C12orf54: variants seen among roughly 807,000 people sequenced by gnomAD.
C12orf54 encodes the protein chromosome 12 open reading frame 54.
A neutral mutation model predicts 26.4 loss-of-function variants in C12orf54; 24 were observed. That is an observed-to-expected ratio of 0.91 (90% CI 0.66 to 1.28). The LOEUF (loss-of-function observed/expected upper bound fraction) is 1.28. Ranked by LOEUF, C12orf54 falls within the 50% of genes most tolerant of loss-of-function variation. C12orf54 has a pLI of 0.00. For missense variants in C12orf54, 154 were observed against 150.9 expected, an observed-to-expected ratio of 1.02 and a Z score of -0.11; for synonymous variants, 54 against 47.0, an observed-to-expected ratio of 1.15 and a Z score of -0.61.
chr12:48,464,030 C>T, the C12orf54 span, among the ~76,000 whole-genome samples: 3 of 151,692 alleles, frequency 2.0e-5, no homozygotes, highest in South Asian at 6.2e-4. Flanking sequence ...CACAAGGATA[C>T]CCTCTCTCAC....
the C12orf54 span, among the ~76,000 whole-genome samples, chr12:48,441,608 T>C: frequency 6.6e-6 from 1 of 152,174 alleles, no homozygotes; most frequent in East Asian, 1.9e-4. Flanking sequence ...GGGGATTCCA[T>C]GATTAACAGT....
At chr12:48,448,649 A>C in the C12orf54 span, among the ~76,000 whole-genome samples, 1 of 152,214 alleles carries the variant, frequency 6.6e-6, no homozygotes, top group Non-Finnish European at 1.5e-5. Flanking sequence ...TACATTTTAA[A>C]TTATTTTATT....
At chr12:48,486,761 A>G (rs1937652071) in intron 4 of C12orf54, 35 bp downstream of exon 4, 1 of 1,595,826 alleles carries the variant, frequency 6.3e-7, no homozygotes, top group Non-Finnish European at 8.6e-7. Flanking sequence ...ACAGCATGGC[A>G]TGAGGTGGGA....
At chr12:48,433,092 A>G in the C12orf54 span, among the ~76,000 whole-genome samples, 2 of 152,168 alleles carry the variant, frequency 1.3e-5, no homozygotes, top group Non-Finnish European at 2.9e-5. Context: ...TCACAATAGG[A>G]ACAAAAAATA....
At chr12:48,478,931 G>T (rs1954171813), upstream of C12orf54, among the ~76,000 whole-genome samples, 3 of 152,338 alleles carry the variant, frequency 2.0e-5, no homozygotes, top group South Asian at 6.2e-4. Flanking sequence ...CTGTGAACTA[G>T]TTCAACCCTT....
chr12:48,491,457 T>A (rs1427066084), intron 6 of C12orf54, among the ~76,000 whole-genome samples: 4 of 152,196 alleles, frequency 2.6e-5, no homozygotes, highest in African/African-American at 9.6e-5. Context: ...GGAGGTGACA[T>A]AGGCATTCAG....
At chr12:48,480,886 TA>T (rs1265458685), upstream of C12orf54, among the ~76,000 whole-genome samples, 1 of 152,136 alleles carries the variant, frequency 6.6e-6, no homozygotes, top group African/African-American at 2.4e-5. Flanking sequence ...AATGCAGCCA[TA>T]AAAAATAATG....
the C12orf54 span, among the ~76,000 whole-genome samples, chr12:48,455,679 A>G: frequency 1.1e-3 from 162 of 152,364 alleles, no homozygotes; most frequent in African/African-American, 3.5e-3. Flanking sequence ...CAGCTCCAAC[A>G]TGATTGTACA....
chr12:48,450,895 G>A, the C12orf54 span, among the ~76,000 whole-genome samples: 2 of 152,034 alleles, frequency 1.3e-5, no homozygotes, highest in Admixed American at 6.5e-5. Context: ...TTCTACCAGA[G>A]GTACAAAGAA....
chr12:48,463,777 T>C, the C12orf54 span, among the ~76,000 whole-genome samples: 2 of 152,070 alleles, frequency 1.3e-5, no homozygotes, highest in South Asian at 2.1e-4. Context: ...TGGTTCAACA[T>C]ATACAATTCA....
At chr12:48,419,812 C>A in the C12orf54 span, among the ~76,000 whole-genome samples, 2 of 152,104 alleles carry the variant, frequency 1.3e-5, no homozygotes, top group Non-Finnish European at 2.9e-5. Flanking sequence ...CCCCAGTAAA[C>A]CTTCACACAG....
chr12:48,494,777 A>G lies in C12orf54; in HGVS notation c.243-21A>G, dbSNP rs188302550. On this transcript the variant is annotated intron_variant, in intron 7 of 8. Transcript: ENST00000548364. ...AAGATCTCTTTCCCTCATGTCTACA[A>G]CTTTCTCTATTTTGGCACAGAAGCA... The G allele has an allele frequency of 2.6e-4, 426 of 1,611,340 alleles. 1 individual carries two copies. The African/African-American group carries it at 5.0e-3, about 19-fold the overall frequency.
chr12:48,423,504 T>A, the C12orf54 span, among the ~76,000 whole-genome samples: 1 of 151,962 alleles, frequency 6.6e-6, no homozygotes, highest in Non-Finnish European at 1.5e-5. Context: ...ATGCAAAAAT[T>A]CAGTAGTGGT....
chr12:48,453,809 A>T, the C12orf54 span, among the ~76,000 whole-genome samples: 8 of 151,660 alleles, frequency 5.3e-5, no homozygotes, highest in Admixed American at 5.3e-4. Flanking sequence ...ATCTATATTC[A>T]TCTATCTACC....
upstream of C12orf54, among the ~76,000 whole-genome samples, chr12:48,479,052 T>C (rs1023727873): frequency 5.3e-5 from 8 of 152,296 alleles, no homozygotes; most frequent in Non-Finnish European, 7.3e-5. Context: ...GCTATAAAGA[T>C]ACATGCACAC....
intron 4 of C12orf54, chr12:48,487,830 G>A (rs1592201158): frequency 2.0e-6 from 1 of 488,424 alleles, no homozygotes; most frequent in Non-Finnish European, 3.7e-6. Context: ...TCCCAAGGGA[G>A]ACAACCCACA....
chr12:48,477,795 C>A (rs555294369), upstream of C12orf54, among the ~76,000 whole-genome samples: 17 of 152,288 alleles, frequency 1.1e-4, no homozygotes, highest in African/African-American at 3.9e-4. Flanking sequence ...CAGATGGATT[C>A]ACAGCCGAAT....
chr12:48,471,816 T>A, the C12orf54 span, among the ~76,000 whole-genome samples: 2 of 152,140 alleles, frequency 1.3e-5, no homozygotes, highest in Non-Finnish European at 1.5e-5. Flanking sequence ...GGGCTACTTT[T>A]GCTATTCAGG....
At chr12:48,451,363 A>G in the C12orf54 span, among the ~76,000 whole-genome samples, 1 of 152,168 alleles carries the variant, frequency 6.6e-6, no homozygotes, top group Non-Finnish European at 1.5e-5. Flanking sequence ...GCCACATATG[A>G]CAAACCCACA....
Sources: gnomAD v4.1 joint callset for allele counts (sites outside exome capture counted in the v4.1 genomes callset) on GRCh38, gnomAD v4.1.1 for gene constraint, MANE v1.5 for transcripts, NCBI Gene and HGNC (gene_info 2026-07-23, HGNC 2026-07-21) for gene names.